The following PITHD1 variants were observed in gnomAD, a reference collection of about 807,000 sequenced individuals.
PITHD1 encodes the protein PITH domain-containing protein 1.
A neutral mutation model predicts 27.5 loss-of-function variants in PITHD1; 8 were observed. That is an observed-to-expected ratio of 0.29 (90% confidence interval 0.17 to 0.52). The LOEUF (loss-of-function observed/expected upper bound fraction) is 0.52, where lower values mean the gene tolerates loss of function less well. PITHD1 is among the 20% of genes least tolerant of loss of function. PITHD1 has a pLI of 0.96. For missense variants in PITHD1, 233 were observed against 283.9 expected (o/e 0.82, Z 1.29); for synonymous variants, 118 against 106.8 (o/e 1.10, Z -0.64).
At chr1:23,783,502 AGTGCAGTG>A (rs1638639655) in intron 3 of PITHD1, among the ~76,000 whole-genome samples, 1 of 149,960 alleles carries the variant, frequency 6.7e-6, no homozygotes, top group South Asian at 2.1e-4. Context: ...CCTAGGCTTG[AGTGCAGTG>A]GCCCAATCTT....
At chr1:23,783,975 T>C (rs536083797) in intron 3 of PITHD1, among the ~76,000 whole-genome samples, 3 of 152,294 alleles carry the variant, frequency 2.0e-5, no homozygotes, top group Non-Finnish European at 4.4e-5. Context: ...ATCGATTCAA[T>C]TTCATCTCCA....
chr1:23,785,892 G>C lies in PITHD1; in HGVS notation c.425+113G>C, dbSNP rs532879186. The stretch of plus-strand genomic sequence containing the variant: ...GGAAATGAGTTAAAACAGTGGAGGA[G>C]ACTTGATCTTTGGCTTGGTCAGTTT... On this transcript the variant is annotated intron_variant, in intron 4 of 5. Coordinates refer to ENST00000246151, the MANE Select transcript of PITHD1 (RefSeq NM_020362.5). The C allele has an allele frequency of 2.2e-5, 14 of 632,430 alleles. No individual in the cohort carries two copies. In the East Asian group the frequency reaches 3.9e-4, roughly 18 times the overall value. The allele number at this position is 632,430 out of a possible 1,614,324, so 39.2% of individuals were successfully genotyped here.
chr1:23,783,362 T>TATATATACACATATATGTGTATATATAC lies in PITHD1; in HGVS notation c.321-2304_321-2277dup, dbSNP rs905919602. Among the ~76,000 whole-genome samples, 7 of 140,196 alleles carry TATATATACACATATATGTGTATATATAC rather than the reference T, an allele frequency of 5.0e-5. No individual in the cohort carries two copies. In the South Asian group the frequency reaches 6.8e-4, roughly 14 times the overall value. The allele number at this position is 140,196 out of a possible 152,430, so 92.0% of individuals were successfully genotyped here. A position where few individuals can be genotyped will look rare whatever the true frequency, so the allele number is the denominator to read the frequency against. On this transcript the variant is annotated intron_variant, in intron 3 of 5. Transcript: ENST00000246151. ...GTGTATATATACATATATACGCATATATATATACACATATATGTGTATATA... is the reference window on the plus strand; with the variant it reads ...GTGTATATATACATATATACGCATATATATATACACATATATGTGTATATATACATATATACACATATATGTGTATATA...
intron 1 of PITHD1, 106 bp from the exon 2 acceptor site, chr1:23,779,332 T>A: frequency 1.2e-6 from 1 of 841,014 alleles, no homozygotes; most frequent in Non-Finnish European, 2.0e-6. Flanking sequence ...GGAGAGTGAC[T>A]CTTCCCATTG....
intron 4 of PITHD1, 105 bp from the exon 5 acceptor site, chr1:23,786,210 T>C: frequency 3.5e-6 from 2 of 565,136 alleles, no homozygotes; most frequent in Non-Finnish European, 6.5e-6. Context: ...GCTCTGACTT[T>C]GCCTGGCTTT....
In PITHD1 at chr1:23,778,524, C is replaced by T. The variant is rs2148398203; in HGVS notation, c.9C>T (p.His3=). 2 of 1,344,796 alleles carry T rather than the reference C, an allele frequency of 1.5e-6. No homozygotes were observed. Among genetic ancestry groups the T allele is most frequent in the Non-Finnish European group, 1.9e-6 (2 of 1,054,972 alleles). 83.3% of individuals were successfully genotyped at this position (1,344,796 alleles called of 1,614,324 possible). Residue 3 remains histidine, a synonymous_variant, in exon 1 of 6, where the codon CAC becomes CAT. Coordinates refer to ENST00000246151, the MANE Select transcript of PITHD1 (RefSeq NM_020362.5). MS[H]GHSHGGGGCR... is the part of the protein sequence containing the mutation. ...CAGGTGGCGGCGTTGCCATGTCGCA[C>T]GGTCACAGCCACGGCGGGGGTGGCT... is the stretch of plus-strand genomic sequence containing the variant.
At chr1:23,784,788 C>T (rs576703966) in intron 3 of PITHD1, among the ~76,000 whole-genome samples, 1 of 152,250 alleles carries the variant, frequency 6.6e-6, no homozygotes, top group Non-Finnish European at 1.5e-5. Context: ...GTGATCTTGG[C>T]TCATTGCACC....
intron 3 of PITHD1, among the ~76,000 whole-genome samples, chr1:23,784,230 C>CTTTCTTTTT: frequency 9.6e-6 from 1 of 103,996 alleles, no homozygotes; most frequent in Non-Finnish European, 2.0e-5. Context: ...TAAACATTTG[C>CTTTCTTTTT]TTTCTTTTTT....
In PITHD1 at chr1:23,778,701, C is replaced by T. The variant is rs764096139; in HGVS notation, c.186C>T (p.Thr62=). Residue 62 remains threonine (T), a synonymous_variant, in exon 1 of 6, where the codon ACC becomes ACT. Coordinates refer to ENST00000246151, the MANE Select transcript of PITHD1 (RefSeq NM_020362.5). ...TCTTCAAGCCGTGGGAGGAGCGGAC[C>T]GACCGCTCCAAGGTGGGCCGCCTGG... ...RGVFKPWEER[T]DRSKFVESDA... 28 of 1,296,012 alleles carry T rather than the reference C, an allele frequency of 2.2e-5. No homozygotes were observed. Among genetic ancestry groups the T allele is most frequent in the Admixed American group, 4.1e-5 (1 of 24,314 alleles). 80.3% of individuals were successfully genotyped at this position (1,296,012 alleles called of 1,614,324 possible).
In PITHD1 at chr1:23,787,459, C is replaced by G; in HGVS notation, c.*83C>G. On this transcript the variant is annotated 3_prime_UTR_variant, in exon 6 of 6. Transcript: ENST00000246151. ...TGGGAAGGACAAAGGGATGAGGCTCCAGAGAGAGTTGGCTGCCACAGCCTC... is the reference window on the plus strand; with the variant it reads ...TGGGAAGGACAAAGGGATGAGGCTCGAGAGAGAGTTGGCTGCCACAGCCTC... 1 of 801,460 alleles carries G rather than the reference C, an allele frequency of 1.2e-6. No individual in the cohort carries two copies. The allele number at this position is 801,460 out of a possible 1,614,324, so 49.6% of individuals were successfully genotyped here. A position where few individuals can be genotyped will look rare whatever the true frequency, so the allele number is the denominator to read the frequency against.
In PITHD1 at chr1:23,788,079, T is replaced by TA. The variant is rs1274818300; in HGVS notation, c.*704dup. The stretch of plus-strand genomic sequence containing the variant: ...TAATCTGGTCAGTAAGATTGAGACT[T>TA]AGTTAAGATTCCCCTTGGAAATTCC... On this transcript the variant is annotated 3_prime_UTR_variant, in exon 6 of 6. Coordinates refer to ENST00000246151, the MANE Select transcript of PITHD1 (RefSeq NM_020362.5). The TA allele has an allele frequency of 6.6e-6, 1 of 152,232 alleles. No homozygotes were observed. The highest frequency in any genetic ancestry group is 1.5e-5 in the Non-Finnish European group (1 of 68,054). The allele number at this position is 152,232 out of a possible 1,614,324, so 9.4% of individuals were successfully genotyped here.
In PITHD1 at chr1:23,784,471, A is replaced by G. The variant is rs541750305; in HGVS notation, c.321-1204A>G. Among the ~76,000 whole-genome samples the G allele has an allele frequency of 1.2e-3, 180 of 151,900 alleles. 1 individual carries two copies. Among genetic ancestry groups the G allele is most frequent in the Admixed American group, 2.2e-3 (34 of 15,258 alleles). ...TAGCCAGGATGGTCTCCATCTCCTG[A>G]CCTCATGATCTGCCCGCCTCGGCCT... is the stretch of plus-strand genomic sequence containing the variant. On this transcript the variant is annotated intron_variant, in intron 3 of 5. Transcript: ENST00000246151.
chr1:23,783,429 A>T (rs1638637512), intron 3 of PITHD1, among the ~76,000 whole-genome samples: 1 of 97,066 alleles, frequency 1.0e-5, no homozygotes, highest in Non-Finnish European at 2.4e-5. Context: ...GCGTATATAT[A>T]CGTGTGTGTG....
Position 23,785,739 on chromosome 1 carries a change from C to T in PITHD1, c.385C>T (p.Leu129=). The change falls in exon 4 of 6, where the codon CTG becomes TTG. Residue 129 remains leucine, a synonymous_variant. Coordinates refer to ENST00000246151, the MANE Select transcript of PITHD1 (RefSeq NM_020362.5). ...AAGGGAGCCAGATCAGACCTTTAGT[C>T]TGAACCGGGATCTTACAGGAGAATT... ...TEREPDQTFS[L]NRDLTGELEY... is the part of the protein sequence containing the mutation. 1.2e-6 allele frequency: 2 copies of T among 1,609,614 alleles called. No individual in the cohort carries two copies. The highest frequency in any genetic ancestry group is 1.1e-5 in the South Asian group (1 of 90,980).
At position 23,778,741 on chromosome 1, in the gene PITHD1, G is replaced by C. The variant is rs764795180; in HGVS notation, c.198+28G>C. The stretch of plus-strand genomic sequence containing the variant: ...GGGCCGCCTGGGGCTTGGGGCGGGC[G>C]GGGCAGGGTGCGTGTGGGGCCTCGG... On this transcript the variant is annotated intron_variant, in intron 1 of 5. Coordinates refer to ENST00000246151, the MANE Select transcript of PITHD1 (RefSeq NM_020362.5). 1.6e-5 allele frequency: 20 copies of C among 1,236,386 alleles called. No individual in the cohort carries two copies. The South Asian group carries it at 5.5e-4, about 34-fold the overall frequency. 76.6% of individuals were successfully genotyped at this position (1,236,386 alleles called of 1,614,324 possible). A position where few individuals can be genotyped will look rare whatever the true frequency, so the allele number is the denominator to read the frequency against.
Position 23,787,285 on chromosome 1 carries a change from A to G in PITHD1, c.545A>G (p.His182Arg). Residue 182 changes from histidine to arginine, a missense_variant, in exon 6 of 6, where the codon CAC (histidine) becomes CGC (arginine). Transcript: ENST00000246151. Reference sequence around the variant, plus strand: ...TCAATTTTCTTGCAGCTTCGCCGACACGAGGTGACCATCTGCAATTACGAA... The same window carrying G: ...TCAATTTTCTTGCAGCTTCGCCGACGCGAGGTGACCATCTGCAATTACGAA... ...LRGEWTELRR[H>R]EVTICNYEAS... is the part of the protein sequence containing the mutation. 6.2e-7 allele frequency: 1 copy of G among 1,613,636 alleles called. No homozygotes were observed. The highest frequency in any genetic ancestry group is 1.1e-5 in the South Asian group (1 of 91,048).
intron 1 of PITHD1, 96 bp downstream of exon 1, chr1:23,778,809 C>A: frequency 1.3e-6 from 1 of 751,642 alleles, no homozygotes; most frequent in Non-Finnish European, 1.8e-6. Flanking sequence ...TAACGACAGC[C>A]TGGTTGCCAA....
rs533325669 is a variant in PITHD1 at position 23,782,078 on chromosome 1, TA to T, written c.320+2140del. Among the ~76,000 whole-genome samples the T allele has an allele frequency of 6.6e-5, 10 of 152,292 alleles. 1 individual carries two copies. The South Asian group carries it at 1.9e-3, about 28-fold the overall frequency. On this transcript the variant is annotated intron_variant, in intron 3 of 5. Transcript: ENST00000246151. The stretch of plus-strand genomic sequence containing the variant: ...TCCAGAAAAATTAGATTGAGAGTAT[TA>T]AATCAGGGAAGTTTGAACACAGATG...
chr1:23,780,756 T>G lies in PITHD1; in HGVS notation c.320+815T>G, dbSNP rs548765310. On this transcript the variant is annotated intron_variant, in intron 3 of 5. Coordinates refer to ENST00000246151, the MANE Select transcript of PITHD1 (RefSeq NM_020362.5). Reference sequence around the variant, plus strand: ...TGGGCCTGGTGGTGCGTGCCTGTAATCCCAGCTACTAGGGAGGGTGAGGCA... The same window carrying G: ...TGGGCCTGGTGGTGCGTGCCTGTAAGCCCAGCTACTAGGGAGGGTGAGGCA... Among the ~76,000 whole-genome samples the G allele has an allele frequency of 7.2e-5, 11 of 151,804 alleles. No individual in the cohort carries two copies. The South Asian group carries it at 2.3e-3, about 32-fold the overall frequency.
Sources: gnomAD v4.1 joint callset for allele counts (sites outside exome capture counted in the v4.1 genomes callset) on GRCh38, gnomAD v4.1.1 for gene constraint, MANE v1.5 for transcripts, NCBI Gene and HGNC (gene_info 2026-07-23, HGNC 2026-07-21) for gene names.